GCNT4: variants seen among roughly 807,000 people sequenced by gnomAD.
GCNT4 encodes the protein beta-1,3-galactosyl-O-glycosyl-glycoprotein beta-1,6-N-acetylglucosaminyltransferase 4.
A neutral mutation model predicts 31.3 loss-of-function variants in GCNT4; 17 were observed. The ratio of observed to expected loss-of-function variants is 0.54; its 90% CI spans 0.37 to 0.81. GCNT4 has a LOEUF of 0.81. Among genes scored for constraint, GCNT4 ranks in the 40% least tolerant of loss-of-function variants. The probability of loss-of-function intolerance (pLI) is 0.00; values close to 1 mark genes in which losing one functional copy is unlikely to be tolerated. For missense variants in GCNT4, 503 were observed against 525.5 expected, an observed-to-expected ratio of 0.96 and a Z score of 0.42; for synonymous variants, 158 against 190.6, an observed-to-expected ratio of 0.83 and a Z score of 1.41.
At chr5:75,044,116 T>A (rs1254925152) in intron 3 of GCNT4, among the ~76,000 whole-genome samples, 1 of 152,140 alleles carries the variant, frequency 6.6e-6, no homozygotes, top group Non-Finnish European at 1.5e-5. Context: ...ACAGGTCACA[T>A]AATCCCTGAA....
At chr5:75,033,673 A>T (rs11303890) in intron 3 of GCNT4, among the ~76,000 whole-genome samples, 7,115 of 145,170 alleles carry the variant, frequency 0.049, 179 homozygotes, top group African/African-American at 0.053. Context: ...TTATTTATTT[A>T]TTTTTTTTTT....
chr5:75,044,316 T>A (rs1472549060), intron 3 of GCNT4, among the ~76,000 whole-genome samples: 2 of 151,964 alleles, frequency 1.3e-5, no homozygotes, highest in African/African-American at 4.8e-5. Flanking sequence ...CCATTCCTCT[T>A]CTTTCTGCCC....
At chr5:75,034,294 AG>A (rs1410486199) in intron 3 of GCNT4, among the ~76,000 whole-genome samples, 1 of 152,216 alleles carries the variant, frequency 6.6e-6, no homozygotes, top group East Asian at 1.9e-4. Flanking sequence ...TGGGCTCTGC[AG>A]GGGGTACACC....
chr5:75,053,413 G>A (rs1261514245), upstream of GCNT4, among the ~76,000 whole-genome samples: 1 of 152,068 alleles, frequency 6.6e-6, no homozygotes, highest in Non-Finnish European at 1.5e-5. Flanking sequence ...AAGTCGTGAG[G>A]AGCAGAGGGT....
intron 3 of GCNT4, among the ~76,000 whole-genome samples, chr5:75,044,642 A>G (rs1201425294): frequency 1.3e-5 from 2 of 151,986 alleles, no homozygotes; most frequent in Non-Finnish European, 2.9e-5. Context: ...GCCATTCTGT[A>G]AACAAGGACT....
chr5:75,047,826 A>G (rs2149977129), intron 3 of GCNT4, 71 bp downstream of exon 3: 1 of 152,218 alleles, frequency 6.6e-6, no homozygotes, highest in East Asian at 1.9e-4. Context: ...ACAAGGCACA[A>G]TTTTTTGCTT....
Position 75,026,650 on chromosome 5 carries a change from A to G in GCNT4, c.*2026T>C, listed in dbSNP as rs1409655668. The G allele has an allele frequency of 8.2e-6, 1 of 121,246 alleles. No individual in the cohort carries two copies. The highest frequency in any genetic ancestry group is 1.7e-5 in the Non-Finnish European group (1 of 57,936). 7.5% of individuals were successfully genotyped at this position (121,246 alleles called of 1,614,324 possible). On this transcript the variant is annotated 3_prime_UTR_variant, in exon 4 of 4. Coordinates refer to ENST00000652361, the MANE Select transcript of GCNT4 (RefSeq NM_001366737.1). ...ATACTATTTCAATCGATTCTCACAA[A>G]AAAAAAAAAAAAAAAAAAAAAACAC... is the stretch of plus-strand genomic sequence containing the variant.
intron 3 of GCNT4, among the ~76,000 whole-genome samples, chr5:75,042,804 G>A (rs1310484996): frequency 6.6e-6 from 1 of 152,194 alleles, no homozygotes; most frequent in Non-Finnish European, 1.5e-5. Flanking sequence ...CTCTTGGCAT[G>A]ACTTCACCAT....
intron 2 of GCNT4, among the ~76,000 whole-genome samples, chr5:75,051,833 GCAGGAAACTCCTTT>G: frequency 6.6e-6 from 1 of 152,246 alleles, no homozygotes; most frequent in East Asian, 1.9e-4. Context: ...CCACCCCGCA[GCAGGAAACTCCTTT>G]CAGTCTCCCC....
chr5:75,053,557 G>A (rs1743638620), upstream of GCNT4, among the ~76,000 whole-genome samples: 1 of 152,130 alleles, frequency 6.6e-6, no homozygotes, highest in African/African-American at 2.4e-5. Context: ...CCGTGCGGCT[G>A]CGGAGGCCGC....
chr5:75,029,314 C>G lies in GCNT4; in HGVS notation c.724G>C (p.Glu242Gln). 5 of 1,614,128 alleles carry G rather than the reference C, an allele frequency of 3.1e-6. No homozygotes were observed. Among genetic ancestry groups the G allele is most frequent in the Non-Finnish European group, 4.2e-6 (5 of 1,179,990 alleles). ...PLKSNFELVSELKKLNGANML... is the reference protein window; with the variant it reads ...PLKSNFELVSQLKKLNGANML... ...TTTGCTCCATTGAGTTTTTTCAACT[C>G]TGACACCAATTCAAAATTTGACTTC... is the stretch of plus-strand genomic sequence containing the variant. Residue 242 changes from glutamate to glutamine, a missense_variant, in exon 4 of 4, where the codon GAG becomes CAG. Physicochemically the swap from Glu to Gln is conservative, Grantham distance 29 (BLOSUM62 2). Coordinates refer to ENST00000652361, the MANE Select transcript of GCNT4 (RefSeq NM_001366737.1).
At chr5:75,053,790 A>C (rs574878228), upstream of GCNT4, among the ~76,000 whole-genome samples, 5 of 152,172 alleles carry the variant, frequency 3.3e-5, no homozygotes, top group Middle Eastern at 3.4e-3. Context: ...CGCGCTTCGG[A>C]CAAAGTTCTC....
intron 3 of GCNT4, among the ~76,000 whole-genome samples, chr5:75,035,959 G>A (rs1181606237): frequency 6.6e-6 from 1 of 152,048 alleles, no homozygotes; most frequent in Non-Finnish European, 1.5e-5. Flanking sequence ...TCCATGTAAT[G>A]CTCTTTATTA....
intron 3 of GCNT4, among the ~76,000 whole-genome samples, chr5:75,046,404 C>A (rs180859218): frequency 6.6e-6 from 1 of 152,086 alleles, no homozygotes; most frequent in Non-Finnish European, 1.5e-5. Flanking sequence ...AAAAAAGGAG[C>A]CTTGGCAACC....
intron 3 of GCNT4, chr5:75,047,629 T>C (rs955825264): frequency 1.3e-5 from 2 of 152,176 alleles, no homozygotes; most frequent in African/African-American, 4.8e-5. Context: ...GTTCTGCCTT[T>C]TGCCTTTAAA....
the GCNT4 span, chr5:75,017,487 T>G: frequency 6.6e-6 from 1 of 152,238 alleles, no homozygotes; most frequent in Non-Finnish European, 1.5e-5. Context: ...TTTATTTGCC[T>G]GTGTCTCCAA....
At chr5:75,045,427 G>C (rs377723519) in intron 3 of GCNT4, among the ~76,000 whole-genome samples, 1 of 152,024 alleles carries the variant, frequency 6.6e-6, no homozygotes, top group African/African-American at 2.4e-5. Context: ...ACATGTCTTC[G>C]AGGTTCATCC....
intron 2 of GCNT4, among the ~76,000 whole-genome samples, chr5:75,049,525 G>A (rs1743519078): frequency 1.3e-5 from 2 of 152,138 alleles, no homozygotes; most frequent in African/African-American, 4.8e-5. Flanking sequence ...TTATATACTT[G>A]AAGCTTCAGT....
chr5:75,031,079 C>CTTT (rs573067505), intron 3 of GCNT4, among the ~76,000 whole-genome samples: 6,878 of 145,334 alleles, frequency 0.047, 504 homozygotes, highest in African/African-American at 0.16. Context: ...CTTTTTCTCT[C>CTTT]TTTTTTTTTT....
Sources: gnomAD v4.1 joint callset for allele counts (sites outside exome capture counted in the v4.1 genomes callset) on GRCh38, gnomAD v4.1.1 for gene constraint, MANE v1.5 for transcripts, NCBI Gene and HGNC (gene_info 2026-07-23, HGNC 2026-07-21) for gene names.